The following RP1L1 variants were observed in gnomAD, a reference collection of about 807,000 sequenced individuals.
The protein encoded by RP1L1 is RP1 like 1.
RP1L1 carries 27 observed loss-of-function variants against 15.7 expected under a neutral mutation model. The observed-to-expected ratio is 1.72, with a 90% confidence interval of 1.27 to 2.38. The LOEUF is 2.38. RP1L1 is among the 30% of genes most tolerant of loss of function. The pLI, the probability that RP1L1 is intolerant of heterozygous loss-of-function variation, is 0.00. For synonymous variants in RP1L1, 1,813 were observed against 1,276.7 expected (o/e 1.42, Z -8.96); for missense variants, 4,798 against 3,075.9 (o/e 1.56, Z -13.24).
intron 1 of RP1L1, among the ~76,000 whole-genome samples, chr8:10,634,655 C>A (rs1201427435): frequency 2.6e-5 from 4 of 152,182 alleles, no homozygotes; most frequent in African/African-American, 9.7e-5. Context: ...ACCCAGGCTC[C>A]TGCTGGATTA....
At position 10,609,883 on chromosome 8, in the gene RP1L1, G is replaced by A. The variant is rs1265487371; in HGVS notation, c.4215C>T (p.Val1405=). ...TGGCCTCTGACAATTCCTGCCCGTGGACGCTTCCTTCTTCTGGAAGTCCTT... is the reference window on the plus strand; with the variant it reads ...TGGCCTCTGACAATTCCTGCCCGTGAACGCTTCCTTCTTCTGGAAGTCCTT... ...KEEGLPEEGS[V]HGQELSEASS... is the part of the protein sequence containing the mutation. Residue 1405 remains valine, a synonymous_variant, in exon 4 of 4, where the codon GTC becomes GTT. Coordinates refer to ENST00000382483, the MANE Select transcript of RP1L1 (RefSeq NM_178857.6). 2 of 1,594,556 alleles carry A rather than the reference G, an allele frequency of 1.3e-6. No homozygotes were observed. Among genetic ancestry groups the A allele is most frequent in the Admixed American group, 1.7e-5 (1 of 58,988 alleles).
Position 10,654,457 on chromosome 8 carries a change from C to T in RP1L1, c.-20+441G>A, listed in dbSNP as rs1249606835. Among the ~76,000 whole-genome samples, 13 of 152,026 alleles carry T rather than the reference C, an allele frequency of 8.6e-5. 1 individual carries two copies. The highest frequency in any genetic ancestry group is 1.5e-5 in the Non-Finnish European group (1 of 67,998). ...GTCCTCTAAGAAGCAAATTGGACAC[C>T]TCCCCAGAATCTGCTCCCACCCCAG... On this transcript the variant is annotated intron_variant, in intron 1 of 3. Coordinates refer to ENST00000382483, the MANE Select transcript of RP1L1 (RefSeq NM_178857.6).
chr8:10,617,620 G>A lies in RP1L1; in HGVS notation c.610-1033C>T, dbSNP rs1279809744. Among the ~76,000 whole-genome samples, 8 of 124,842 alleles carry A rather than the reference G, an allele frequency of 6.4e-5. No homozygotes were observed. The East Asian group carries it at 1.1e-3, about 18-fold the overall frequency. 81.9% of individuals were successfully genotyped at this position (124,842 alleles called of 152,430 possible). ...CACCCAGGCTGGAGTGCAGTGGCGC[G>A]ATCTGGGCTCACTGCAAGCTCTGCC... On this transcript the variant is annotated intron_variant, in intron 2 of 3. Transcript: ENST00000382483.
At chr8:10,640,663 T>C (rs1052815752) in intron 1 of RP1L1, among the ~76,000 whole-genome samples, 1 of 150,748 alleles carries the variant, frequency 6.6e-6, no homozygotes, top group Non-Finnish European at 1.5e-5. Flanking sequence ...AAAATAATAA[T>C]AATAATTATT....
rs989871425 is a variant in RP1L1, at chr8:10,642,179, T to C, written c.-20+12719A>G. ...AATTATCTCAAAATGAAAGGTTTAG[T>C]TTTTTTCAAAGAGGTTTTTAAAAAG... On this transcript the variant is annotated intron_variant, in intron 1 of 3. Coordinates refer to ENST00000382483, the MANE Select transcript of RP1L1 (RefSeq NM_178857.6). Among the ~76,000 whole-genome samples the C allele has an allele frequency of 2.6e-5, 4 of 152,304 alleles. No homozygotes were observed. The South Asian group carries it at 8.3e-4, about 32-fold the overall frequency.
At position 10,608,635 on chromosome 8, in the gene RP1L1, T is replaced by C; in HGVS notation, c.5463A>G (p.Gly1821=). ...EDNLQGEAAA[G]GDQDPGQSDG... ...CACTCTGTCCTGGATCTTGGTCACC[T>C]CCTGCCGCAGCTTCACCCTGCAAGT... Residue 1821 remains glycine (G), a synonymous_variant, in exon 4 of 4, where the codon GGA becomes GGG. Coordinates refer to ENST00000382483, the MANE Select transcript of RP1L1 (RefSeq NM_178857.6). 3 of 1,614,154 alleles carry C rather than the reference T, an allele frequency of 1.9e-6. No individual in the cohort carries two copies. The highest frequency in any genetic ancestry group is 2.5e-6 in the Non-Finnish European group (3 of 1,180,016).
At chr8:10,613,685 T>A (rs1797919775) in intron 3 of RP1L1, among the ~76,000 whole-genome samples, 2 of 149,396 alleles carry the variant, frequency 1.3e-5, no homozygotes, top group African/African-American at 2.5e-5. Flanking sequence ...TCCTAGCTAC[T>A]CGGAAGGCTG....
rs1585957465 is a variant in RP1L1 at position 10,607,662 on chromosome 8, C to T, written c.6436G>A (p.Glu2146Lys). 1.3e-6 allele frequency: 2 copies of T among 1,590,488 alleles called. No individual in the cohort carries two copies. Among genetic ancestry groups the T allele is most frequent in the East Asian group, 4.6e-5 (2 of 43,840 alleles). ...TCTGCATCCTGGGCCTCTACACCTT[C>T]TGACTCAGGCTGGGCCTCCCCTTCA... ...EAEGEAQPES[E>K]GVEAQDAEGE... The change falls in exon 4 of 4, where the codon GAA becomes AAA. Residue 2146 changes from glutamate (E) to lysine (K), a missense_variant. Glu to Lys is a moderately conservative substitution (Grantham distance 56). Transcript: ENST00000382483.
intron 1 of RP1L1, among the ~76,000 whole-genome samples, chr8:10,634,730 G>C (rs892216543): frequency 6.6e-6 from 1 of 152,130 alleles, no homozygotes; most frequent in Non-Finnish European, 1.5e-5. Context: ...GCTATTCCTA[G>C]CATTTCAGGA....
At chr8:10,651,653 A>G (rs1361988384) in intron 1 of RP1L1, among the ~76,000 whole-genome samples, 1 of 150,908 alleles carries the variant, frequency 6.6e-6, no homozygotes, top group Non-Finnish European at 1.5e-5. Flanking sequence ...TGAACTCAGG[A>G]GGCTGAGGCA....
At position 10,622,888 on chromosome 8, in the gene RP1L1, G is replaced by A. The variant is rs1328284498; in HGVS notation, c.314C>T (p.Ser105Phe). 3.5e-5 allele frequency: 56 copies of A among 1,613,682 alleles called. No individual in the cohort carries two copies. Among genetic ancestry groups the A allele is most frequent in the Non-Finnish European group, 4.6e-5 (54 of 1,179,876 alleles). Residue 105 changes from serine (S) to phenylalanine (F), a missense_variant, in exon 2 of 4, where the codon TCT becomes TTT. Physicochemically the swap from Ser to Phe is radical, Grantham distance 155. Coordinates refer to ENST00000382483, the MANE Select transcript of RP1L1 (RefSeq NM_178857.6). Reference protein sequence around the residue: ...QLEDGGCYLCSDKKPPKTPSG... With the variant: ...QLEDGGCYLCFDKKPPKTPSG... ...GGGGGTCTTGGGGGGCTTCTTATCA[G>A]AGCAGAGGTAGCAGCCTCCATCTTC...
chr8:10,631,395 A>ACG (rs1310141301), intron 1 of RP1L1, among the ~76,000 whole-genome samples: 3 of 142,802 alleles, frequency 2.1e-5, no homozygotes, highest in African/African-American at 7.6e-5. Flanking sequence ...ATGCACACAC[A>ACG]CGCACACACA....
Position 10,622,811 on chromosome 8 carries a change from C to A in RP1L1, c.391G>T (p.Asp131Tyr), listed in dbSNP as rs1384447645. The change falls in exon 2 of 4, where the codon GAT (aspartate) becomes TAT (tyrosine). Residue 131 changes from aspartate to tyrosine, a missense_variant. Transcript: ENST00000382483. ...GGGGCTTCACGCTGGCCTTCGACATCCCGCAACTGCTGAGCAGTGGGGTTT... is the reference window on the plus strand; with the variant it reads ...GGGGCTTCACGCTGGCCTTCGACATACCGCAACTGCTGAGCAGTGGGGTTT... ...ERNPTAQQLR[D>Y]VEGQREAPGT... 1 of 1,613,804 alleles carries A rather than the reference C, an allele frequency of 6.2e-7. No individual in the cohort carries two copies. The highest frequency in any genetic ancestry group is 1.7e-5 in the Admixed American group (1 of 59,992).
At chr8:10,647,535 C>G (rs1798497353) in intron 1 of RP1L1, among the ~76,000 whole-genome samples, 1 of 152,200 alleles carries the variant, frequency 6.6e-6, no homozygotes, top group African/African-American at 2.4e-5. Flanking sequence ...ATTTTGCTTT[C>G]CGTCTCTATA....
intron 1 of RP1L1, among the ~76,000 whole-genome samples, chr8:10,630,094 G>A: frequency 6.6e-6 from 1 of 152,336 alleles, no homozygotes. Context: ...GCGTAGTCAA[G>A]TCAAGAGGGC....
At chr8:10,624,074 G>A (rs566752882) in intron 1 of RP1L1, among the ~76,000 whole-genome samples, 2 of 152,312 alleles carry the variant, frequency 1.3e-5, no homozygotes, top group African/African-American at 2.4e-5. Context: ...ACCTTATCTT[G>A]CAGCCATGGG....
At position 10,615,256 on chromosome 8, in the gene RP1L1, T is replaced by A. The variant is rs184460660; in HGVS notation, c.751+1190A>T. 2.0e-5 allele frequency among the ~76,000 whole-genome samples: 3 copies of A among 152,372 alleles called. No homozygotes were observed. The East Asian group carries it at 5.8e-4, about 29-fold the overall frequency. On this transcript the variant is annotated intron_variant, in intron 3 of 3. Coordinates refer to ENST00000382483, the MANE Select transcript of RP1L1 (RefSeq NM_178857.6). ...GAGCTTTTCACAAAGGATAGTACTTTGTTTACTCGCCAAATTTTTCCATCA... is the reference window on the plus strand; with the variant it reads ...GAGCTTTTCACAAAGGATAGTACTTAGTTTACTCGCCAAATTTTTCCATCA...
chr8:10,608,484 C>G lies in RP1L1; in HGVS notation c.5614G>C (p.Glu1872Gln). 6.3e-7 allele frequency: 1 copy of G among 1,597,308 alleles called. No homozygotes were observed. Among genetic ancestry groups the G allele is most frequent in the Non-Finnish European group, 8.5e-7 (1 of 1,170,362 alleles). Residue 1872 changes from glutamate (E) to glutamine (Q), a missense_variant, in exon 4 of 4, where the codon GAA (glutamate) becomes CAA (glutamine). Coordinates refer to ENST00000382483, the MANE Select transcript of RP1L1 (RefSeq NM_178857.6). Reference sequence around the variant, plus strand: ...TCTGCCTCTGGGGCCTCTACATCTTCTGACTCTGGCTGGGCCTCCCCTTCA... The same window carrying G: ...TCTGCCTCTGGGGCCTCTACATCTTGTGACTCTGGCTGGGCCTCCCCTTCA... ...EAEGEAQPES[E>Q]DVEAPEAEGE...
chr8:10,631,730 C>T (rs914553267), intron 1 of RP1L1, among the ~76,000 whole-genome samples: 3 of 152,184 alleles, frequency 2.0e-5, no homozygotes, highest in South Asian at 4.1e-4. Context: ...CAGTGCCGCC[C>T]GAGCCTGTGG....
Sources: allele counts gnomAD v4.1 joint callset (sites outside exome capture counted in the v4.1 genomes callset), GRCh38; gene constraint gnomAD v4.1.1; transcripts MANE v1.5; gene names NCBI Gene and HGNC (gene_info 2026-07-23, HGNC 2026-07-21).